Variants in DACH2 observed in about 807,000 individuals in gnomAD.
DACH2 encodes the protein dachshund homolog 2.
Under a neutral mutation model 35.8 loss-of-function variants are expected in DACH2, and 17 were observed. The ratio of observed to expected loss-of-function variants is 0.48; its 90% CI spans 0.33 to 0.71. The LOEUF (loss-of-function observed/expected upper bound fraction) is 0.71, where lower values mean the gene tolerates loss of function less well. DACH2 is among the 30% of genes least tolerant of loss of function. The pLI, the probability that DACH2 is intolerant of heterozygous loss-of-function variation, is 0.02. For missense variants in DACH2, 469 were observed against 472.7 expected (o/e 0.99, Z 0.07); for synonymous variants, 195 against 177.3 (o/e 1.10, Z -0.79).
At chrX:86,605,997 T>C (rs1405460530) in intron 3 of DACH2, among the ~76,000 whole-genome samples, 3 of 111,612 alleles carry the variant, frequency 2.7e-5, no homozygotes, top group African/African-American at 9.7e-5. Context: ...ATATTAACTA[T>C]GGTCCCCATG....
intron 1 of DACH2, among the ~76,000 whole-genome samples, chrX:86,355,719 C>T (rs1239727951): frequency 9.0e-6 from 1 of 111,166 alleles, no homozygotes; most frequent in Non-Finnish European, 1.9e-5. Flanking sequence ...AAATAATAGC[C>T]TTTCTGACTG....
At chrX:86,442,742 G>A (rs1264718816) in intron 2 of DACH2, among the ~76,000 whole-genome samples, 1 of 110,933 alleles carries the variant, frequency 9.0e-6, no homozygotes, top group East Asian at 2.8e-4. Context: ...CAAGAGATAA[G>A]GGACTTCTAG....
chrX:86,574,371 G>A (rs6617242), intron 3 of DACH2, among the ~76,000 whole-genome samples: 45,110 of 109,942 alleles, frequency 0.41, 8,504 homozygotes, highest in African/African-American at 0.74. Flanking sequence ...GCTTACTGTG[G>A]TGACATTTAA....
chrX:86,197,785 G>A (rs935054724), intron 1 of DACH2, among the ~76,000 whole-genome samples: 18 of 111,070 alleles, frequency 1.6e-4, no homozygotes, highest in Non-Finnish European at 2.3e-4. Flanking sequence ...CTTAGAGACC[G>A]TCAAAGAGAC....
intron 7 of DACH2, among the ~76,000 whole-genome samples, chrX:86,807,568 G>A (rs146393903): frequency 0.041 from 4,599 of 111,227 alleles, 232 homozygotes; most frequent in African/African-American, 0.14. Context: ...TTTACTATTC[G>A]CATATTTTTT....
At chrX:86,300,940 T>C (rs1023482181) in intron 1 of DACH2, among the ~76,000 whole-genome samples, 4 of 112,246 alleles carry the variant, frequency 3.6e-5, no homozygotes, top group African/African-American at 1.3e-4. Context: ...ACTGAAGCAG[T>C]ACAAAGGTTA....
intron 4 of DACH2, among the ~76,000 whole-genome samples, chrX:86,662,849 C>T (rs1282426081): frequency 9.0e-6 from 1 of 111,161 alleles, no homozygotes; most frequent in African/African-American, 3.3e-5. Context: ...AATAAGACCC[C>T]TTTCAAAGGG....
At chrX:86,371,001 C>T (rs1486493348) in intron 1 of DACH2, among the ~76,000 whole-genome samples, 1 of 111,022 alleles carries the variant, frequency 9.0e-6, no homozygotes, top group Non-Finnish European at 1.9e-5. Context: ...ATGCTGTGAA[C>T]AGTAATCCTA....
chrX:86,681,071 T>C (rs2040876300), intron 4 of DACH2, among the ~76,000 whole-genome samples: 1 of 111,395 alleles, frequency 9.0e-6, no homozygotes, highest in African/African-American at 3.3e-5. Context: ...TATCTATCTA[T>C]CTATATGTCT....
chrX:86,623,769 G>GAGTCAATAAATCTCCTTTAGA (rs1381807326), intron 3 of DACH2, among the ~76,000 whole-genome samples: 2 of 108,149 alleles, frequency 1.8e-5, no homozygotes, highest in African/African-American at 3.3e-5. Flanking sequence ...AAAAGTGGCG[G>GAGTCAATAAATCTCCTTTAGA]CCGGGCGCGG....
intron 1 of DACH2, among the ~76,000 whole-genome samples, chrX:86,214,011 A>G (rs1325655524): frequency 9.0e-6 from 1 of 111,077 alleles, no homozygotes; most frequent in Non-Finnish European, 1.9e-5. Flanking sequence ...CCCATTTTCA[A>G]TCATTTACCT....
intron 3 of DACH2, among the ~76,000 whole-genome samples, chrX:86,646,836 A>T (rs1364243208): frequency 9.2e-6 from 1 of 108,490 alleles, no homozygotes; most frequent in Non-Finnish European, 1.9e-5. Context: ...TATTTAAATA[A>T]ATAAATATAT....
intron 3 of DACH2, among the ~76,000 whole-genome samples, chrX:86,616,557 G>C (rs2040006671): frequency 8.9e-6 from 1 of 111,963 alleles, no homozygotes; most frequent in African/African-American, 3.2e-5. Flanking sequence ...CTTGGCTGAT[G>C]TATGTCTTCT....
intron 4 of DACH2, among the ~76,000 whole-genome samples, chrX:86,691,651 G>A (rs1045376144): frequency 5.4e-5 from 6 of 111,388 alleles, no homozygotes; most frequent in Non-Finnish European, 9.4e-5. Context: ...TGAGGACATA[G>A]GGGAAAACAC....
intron 1 of DACH2, among the ~76,000 whole-genome samples, chrX:86,330,600 AAAC>A (rs908046608): frequency 1.2e-4 from 13 of 111,738 alleles, no homozygotes; most frequent in Non-Finnish European, 2.1e-4. Flanking sequence ...ATAATTTTAA[AAAC>A]AACACCTCTA....
At chrX:86,656,292 A>G (rs759986143) in intron 4 of DACH2, among the ~76,000 whole-genome samples, 68 of 110,848 alleles carry the variant, frequency 6.1e-4, no homozygotes, top group African/African-American at 2.2e-3. Context: ...GTTGATTACA[A>G]TCTTATTGAC....
chrX:86,536,532 C>T (rs1376984893), intron 3 of DACH2, among the ~76,000 whole-genome samples: 1 of 111,414 alleles, frequency 9.0e-6, no homozygotes, highest in African/African-American at 3.3e-5. Flanking sequence ...CTGGAGCCTT[C>T]ATCTACATGA....
chrX:86,319,377 C>T (rs1010222100), intron 1 of DACH2, among the ~76,000 whole-genome samples: 1 of 111,690 alleles, frequency 9.0e-6, no homozygotes, highest in Non-Finnish European at 1.9e-5. Flanking sequence ...TTACTCACCT[C>T]GTATGCAAAT....
intron 2 of DACH2, among the ~76,000 whole-genome samples, chrX:86,477,020 G>C (rs1309549361): frequency 9.1e-6 from 1 of 110,373 alleles, no homozygotes; most frequent in African/African-American, 3.3e-5. Flanking sequence ...ATGCTTGATA[G>C]TATTTGAATT....
Sources: allele counts gnomAD v4.1 joint callset (sites outside exome capture counted in the v4.1 genomes callset), GRCh38; gene constraint gnomAD v4.1.1; transcripts MANE v1.5; gene names NCBI Gene and HGNC (gene_info 2026-07-23, HGNC 2026-07-21).